FGF18: variants seen among roughly 807,000 people sequenced by gnomAD.
The protein encoded by FGF18 is fibroblast growth factor 18.
In FGF18, 5 loss-of-function variants were observed where a neutral mutation model predicts 23.0. That is an observed-to-expected ratio of 0.22 (90% CI 0.11 to 0.46). The LOEUF (loss-of-function observed/expected upper bound fraction) is 0.46. Ranked by LOEUF, FGF18 falls within the 20% of genes least tolerant of loss-of-function variation. The pLI is 0.99. For synonymous variants in FGF18, 117 were observed against 118.9 expected (o/e 0.98, Z 0.10); for missense variants, 180 against 291.6 (o/e 0.62, Z 2.79).
At chr5:171,420,594 G>C in intron 2 of FGF18, 151 bp downstream of exon 2, 2 of 743,086 alleles carry the variant, frequency 2.7e-6, no homozygotes, top group Non-Finnish European at 4.4e-6. Context: ...GGGCGGCTCC[G>C]CGTGCGCCCT....
Position 171,421,812 on chromosome 5 carries a change from A to T in FGF18, c.69+1369A>T, listed in dbSNP as rs538017007. On this transcript the variant is annotated intron_variant, in intron 2 of 4. Transcript: ENST00000274625. ...GGGGTCCCCAGTGACTCCTTGAATC[A>T]ATATAACTGGAGTCAGTAACTTAAG... Among the ~76,000 whole-genome samples the T allele has an allele frequency of 7.9e-5, 12 of 151,634 alleles. No homozygotes were observed. The East Asian group carries it at 2.2e-3, about 27-fold the overall frequency.
chr5:171,426,886 TC>T (rs1402677979), intron 2 of FGF18, among the ~76,000 whole-genome samples: 3 of 152,176 alleles, frequency 2.0e-5, no homozygotes, highest in African/African-American at 7.2e-5. Context: ...CACCTCAGTT[TC>T]CCCATCTGTA....
rs969782302 is a variant in FGF18, at chr5:171,451,009, G to A, written c.357+1756G>A. On this transcript the variant is annotated intron_variant, in intron 4 of 4. Transcript: ENST00000274625. This position sits in a 1 kb window ranked among gnomAD's most constrained non-coding sequence, Gnocchi z 4.5. ...GTTCCCGGCATCTTGACCCCAGGAG[G>A]GCTGCGCGGGGGTCAAAAGAGCAGC... is the stretch of plus-strand genomic sequence containing the variant. Among the ~76,000 whole-genome samples, 1 of 152,012 alleles carries A rather than the reference G, an allele frequency of 6.6e-6. No individual in the cohort carries two copies. Among genetic ancestry groups the A allele is most frequent in the Non-Finnish European group, 1.5e-5 (1 of 67,950 alleles).
chr5:171,432,605 CA>C (rs1278902910), intron 2 of FGF18, among the ~76,000 whole-genome samples: 1 of 152,056 alleles, frequency 6.6e-6, no homozygotes, highest in Non-Finnish European at 1.5e-5. Flanking sequence ...GACAGGGTTT[CA>C]GTATGTTAAG....
chr5:171,452,682 A>C (rs922602980), intron 4 of FGF18, among the ~76,000 whole-genome samples: 6 of 152,046 alleles, frequency 3.9e-5, no homozygotes, highest in African/African-American at 2.4e-5. Flanking sequence ...TATTTTTCTC[A>C]TCTGCCACCA....
intron 2 of FGF18, among the ~76,000 whole-genome samples, chr5:171,427,933 G>A (rs538154588): frequency 2.0e-5 from 3 of 152,288 alleles, no homozygotes; most frequent in South Asian, 4.1e-4. Flanking sequence ...CCGTGTGACC[G>A]AGTGATTGAC....
In FGF18 at chr5:171,435,990, G is replaced by A. The variant is rs73803345; in HGVS notation, c.70-103G>A. The A allele has an allele frequency of 5.1e-3, 4,661 of 916,460 alleles. 147 individuals are homozygous for A. The African/African-American group carries it at 0.072, about 14-fold the overall frequency. 56.8% of individuals were successfully genotyped at this position (916,460 alleles called of 1,614,324 possible). A position where few individuals can be genotyped will look rare whatever the true frequency, so the allele number is the denominator to read the frequency against. The stretch of plus-strand genomic sequence containing the variant: ...GTGTGCCACGGCCTGGCTCAGAGCC[G>A]GTGTAGAGAAGCCCTTGGTCTTTGT... On this transcript the variant is annotated intron_variant, in intron 2 of 4. Transcript: ENST00000274625.
In FGF18 at chr5:171,436,122, C is replaced by G. The variant is rs1429935280; in HGVS notation, c.99C>G (p.Phe33Leu). The G allele has an allele frequency of 6.4e-7, 1 of 1,574,098 alleles. No individual in the cohort carries two copies. Among genetic ancestry groups the G allele is most frequent in the Admixed American group, 1.8e-5 (1 of 56,164 alleles). The change falls in exon 3 of 5, where the codon TTC (phenylalanine) becomes TTG (leucine). Residue 33 changes from phenylalanine to leucine, a missense_variant. Phe to Leu is a conservative substitution (Grantham distance 22, BLOSUM62 0). Coordinates refer to ENST00000274625, the MANE Select transcript of FGF18 (RefSeq NM_003862.3). This position sits in a 1 kb window ranked among gnomAD's most constrained non-coding sequence, Gnocchi z 4.4. ...QVLVAEENVD[F>L]RIHVENQTRA... ...TGGTTGCCGAGGAGAACGTGGACTT[C>G]CGCATCCACGTGGAGAACCAGACGC...
intron 2 of FGF18, among the ~76,000 whole-genome samples, chr5:171,428,117 A>C (rs1308924613): frequency 6.6e-6 from 1 of 152,178 alleles, no homozygotes; most frequent in Non-Finnish European, 1.5e-5. Context: ...GGGGTGTCTC[A>C]AGGCCGGATT....
At chr5:171,448,953 G>A (rs1210770304) in intron 3 of FGF18, among the ~76,000 whole-genome samples, 194 bp from the exon 4 acceptor site, 1 of 152,082 alleles carries the variant, frequency 6.6e-6, no homozygotes, top group African/African-American at 2.4e-5. Flanking sequence ...CTGAGGGGCA[G>A]GGGACAGCTA....
In FGF18 at chr5:171,451,248, C is replaced by T. The variant is rs1308954734; in HGVS notation, c.357+1995C>T. 6.6e-6 allele frequency among the ~76,000 whole-genome samples: 1 copy of T among 152,150 alleles called. No homozygotes were observed. Among genetic ancestry groups the T allele is most frequent in the Non-Finnish European group, 1.5e-5 (1 of 67,990 alleles). On this transcript the variant is annotated intron_variant, in intron 4 of 4. Transcript: ENST00000274625. The surrounding 1 kb of genome is among the most constrained non-coding windows in gnomAD (Gnocchi z 4.5). Reference sequence around the variant, plus strand: ...CGGCCCCCGGCGCCTCCCCCGCTCCCGCCCAGGCCTCCACGCCCGACCCCA... The same window carrying T: ...CGGCCCCCGGCGCCTCCCCCGCTCCTGCCCAGGCCTCCACGCCCGACCCCA...
chr5:171,450,376 T>C (rs1772480149), intron 4 of FGF18, among the ~76,000 whole-genome samples: 1 of 152,206 alleles, frequency 6.6e-6, no homozygotes, highest in African/African-American at 2.4e-5. Context: ...ACTGTCATAA[T>C]AGCTTCCGCT....
intron 2 of FGF18, among the ~76,000 whole-genome samples, chr5:171,432,266 C>T (rs1772192039): frequency 6.6e-6 from 1 of 152,140 alleles, no homozygotes; most frequent in Non-Finnish European, 1.5e-5. Flanking sequence ...CGAGGCAGCC[C>T]CGCTATGCAT....
intron 3 of FGF18, among the ~76,000 whole-genome samples, chr5:171,447,337 T>C (rs896310987): frequency 6.6e-6 from 1 of 152,000 alleles, no homozygotes; most frequent in Non-Finnish European, 1.5e-5. Context: ...AGAAAGCAAG[T>C]TTCAGAGCTG....
In FGF18 at chr5:171,446,091, C is replaced by T. The variant is rs531143603; in HGVS notation, c.251-3056C>T. On this transcript the variant is annotated intron_variant, in intron 3 of 4. Transcript: ENST00000274625. The stretch of plus-strand genomic sequence containing the variant: ...CCAAAGACTTTACATAATTCTGGCC[C>T]GGCTCCCTCCTCATGATGTCATGTG... 4.4e-3 allele frequency among the ~76,000 whole-genome samples: 667 copies of T among 152,324 alleles called. 3 individuals are homozygous for T. Among genetic ancestry groups the T allele is most frequent in the South Asian group, 0.022 (105 of 4,828 alleles).
chr5:171,445,488 A>G (rs1248920198), intron 3 of FGF18, among the ~76,000 whole-genome samples: 2 of 151,712 alleles, frequency 1.3e-5, no homozygotes, highest in Non-Finnish European at 2.9e-5. Context: ...CCTTCTGAGT[A>G]GCTGGGACTA....
At chr5:171,420,540 C>T (rs1291564670) in intron 2 of FGF18, 97 bp downstream of exon 2, 3 of 1,229,630 alleles carry the variant, frequency 2.4e-6, no homozygotes, top group South Asian at 2.4e-5. Context: ...TGCCCCACCC[C>T]TCCTGGGCGC....
intron 3 of FGF18, among the ~76,000 whole-genome samples, chr5:171,437,258 G>A (rs1429544243): frequency 6.6e-6 from 1 of 152,222 alleles, no homozygotes; most frequent in African/African-American, 2.4e-5. Flanking sequence ...CAGTCAGGAC[G>A]TGACAACAAG....
At chr5:171,447,439 C>T (rs879866427) in intron 3 of FGF18, among the ~76,000 whole-genome samples, 1 of 152,234 alleles carries the variant, frequency 6.6e-6, no homozygotes, top group African/African-American at 2.4e-5. Context: ...TTGTGCCCAC[C>T]GCCATCTCAG....
Sources: gnomAD v4.1 joint callset for allele counts (sites outside exome capture counted in the v4.1 genomes callset) on GRCh38, gnomAD v4.1.1 for gene constraint, Gnocchi (gnomAD v3.1) non-coding constraint, MANE v1.5 for transcripts, NCBI Gene and HGNC (gene_info 2026-07-23, HGNC 2026-07-21) for gene names.